The following SRPRB variants were observed in gnomAD, a reference collection of about 807,000 sequenced individuals.
SRPRB encodes SRP receptor subunit beta, also known as signal recognition particle receptor subunit beta.
Under a neutral mutation model 31.9 loss-of-function variants are expected in SRPRB, and 20 were observed. The observed-to-expected ratio is 0.63, with a 90% CI of 0.44 to 0.91. The LOEUF is 0.91. Ranked by LOEUF, SRPRB falls within the 40% of genes least tolerant of loss-of-function variation. The pLI, the probability that SRPRB is intolerant of heterozygous loss-of-function variation, is 0.00. For missense variants in SRPRB, 321 were observed against 324.9 expected (o/e 0.99, Z 0.09); for synonymous variants, 146 against 132.8 (o/e 1.10, Z -0.68).
downstream of SRPRB, chr3:133,827,870 C>T: frequency 1.5e-6 from 1 of 677,326 alleles, no homozygotes; most frequent in Non-Finnish European, 2.7e-6. Flanking sequence ...GTTTCTTAGA[C>T]TTGGCCCAGG....
intron 4 of SRPRB, 141 bp from the exon 5 acceptor site, chr3:133,815,449 T>C (rs1935349268): frequency 1.1e-6 from 1 of 905,744 alleles, no homozygotes; most frequent in Non-Finnish European, 1.7e-6. Context: ...TGTTATATGA[T>C]AACATATGCA....
At chr3:133,790,095 A>G (rs935558173) in intron 1 of SRPRB, 12 of 152,194 alleles carry the variant, frequency 7.9e-5, no homozygotes, top group African/African-American at 2.9e-4. Context: ...TAATCTAGAT[A>G]AACTGTTAAA....
At chr3:133,799,860 C>T in intron 1 of SRPRB, among the ~76,000 whole-genome samples, 1 of 152,206 alleles carries the variant, frequency 6.6e-6, no homozygotes, top group Non-Finnish European at 1.5e-5. Context: ...GAAGGATGAA[C>T]AGAAGTTGAA....
At chr3:133,828,087 G>C, downstream of SRPRB, 1 of 669,258 alleles carries the variant, frequency 1.5e-6, no homozygotes, top group East Asian at 2.7e-5. Context: ...CAGGGAAAGA[G>C]AAGGAGAGGT....
At chr3:133,810,475 G>C (rs1689764593) in intron 3 of SRPRB, 1 of 152,210 alleles carries the variant, frequency 6.6e-6, no homozygotes, top group Admixed American at 6.5e-5. Flanking sequence ...CTGGCATGGT[G>C]AATAGAACTT....
intron 1 of SRPRB, chr3:133,794,094 G>A (rs188256029): frequency 4.7e-4 from 72 of 152,290 alleles, no homozygotes; most frequent in African/African-American, 1.5e-3. Flanking sequence ...CTAATTTGGG[G>A]AAACAACTGG....
chr3:133,789,878 C>CA lies in SRPRB; in HGVS notation c.-174+5734_-174+5735insA, dbSNP rs1559884865. The CA allele has an allele frequency of 5.9e-4, 31 of 52,440 alleles. 2 individuals are homozygous for CA. The highest frequency in any genetic ancestry group is 5.4e-3 in the South Asian group (9 of 1,678). 3.2% of individuals were successfully genotyped at this position (52,440 alleles called of 1,614,324 possible). A position where few individuals can be genotyped will look rare whatever the true frequency, so the allele number is the denominator to read the frequency against. ...AGCCAAAACAAAACGATCTCGTTTG[C>CA]GTTTTTTTTTTTTTTTTTTTTTTTT... On this transcript the variant is annotated intron_variant, in intron 1 of 7. Coordinates refer to the SRPRB transcript ENST00000466490.
chr3:133,816,659 G>C (rs1481792323), intron 5 of SRPRB, among the ~76,000 whole-genome samples: 2 of 152,070 alleles, frequency 1.3e-5, no homozygotes, highest in African/African-American at 4.8e-5. Context: ...TCAGTTTTAG[G>C]GTCACCAGCA....
upstream of SRPRB, among the ~76,000 whole-genome samples, chr3:133,802,768 G>C (rs939036574): frequency 6.6e-6 from 1 of 151,950 alleles, no homozygotes; most frequent in Non-Finnish European, 1.5e-5. Flanking sequence ...GTATATACTT[G>C]TGGAACTTTA....
At chr3:133,828,349 A>T, downstream of SRPRB, 2 of 351,206 alleles carry the variant, frequency 5.7e-6, no homozygotes, top group Non-Finnish European at 1.0e-5. Context: ...GGCTGGGGAT[A>T]GGAGGAAGGC....
At chr3:133,800,333 G>A (rs1482022031) in intron 1 of SRPRB, among the ~76,000 whole-genome samples, 2 of 152,236 alleles carry the variant, frequency 1.3e-5, no homozygotes, top group East Asian at 1.9e-4. Context: ...ATTGTACAAT[G>A]TATGCTGTGG....
exon 1 of SRPRB, chr3:133,784,133 TG>T (rs1466367397): frequency 1.3e-5 from 2 of 152,182 alleles, no homozygotes; most frequent in East Asian, 1.9e-4. Context: ...AAGTCCTTAA[TG>T]GGCCCAGAAG....
At chr3:133,792,458 C>T (rs1934864787) in intron 1 of SRPRB, 2 of 152,218 alleles carry the variant, frequency 1.3e-5, no homozygotes, top group African/African-American at 4.8e-5. Flanking sequence ...GCCTGCTTTA[C>T]AGCTCGGTAA....
At chr3:133,818,989 TG>T (rs1935416274) in intron 6 of SRPRB, among the ~76,000 whole-genome samples, 1 of 152,096 alleles carries the variant, frequency 6.6e-6, no homozygotes, top group African/African-American at 2.4e-5. Flanking sequence ...GACAAATGAG[TG>T]TTGCTTATGC....
chr3:133,805,645 A>AAAT, upstream of SRPRB: 1 of 498,872 alleles, frequency 2.0e-6, no homozygotes. Context: ...GTCCCTCGAC[A>AAAT]AATAACCTGT....
intron 1 of SRPRB, chr3:133,788,695 C>T (rs893159830): frequency 1.3e-5 from 2 of 152,158 alleles, no homozygotes; most frequent in South Asian, 2.1e-4. Context: ...CGCCTAAACA[C>T]GGAGGCAACC....
At chr3:133,816,976 C>T (rs764395497) in intron 6 of SRPRB, 44 bp downstream of exon 6, 40 of 1,494,860 alleles carry the variant, frequency 2.7e-5, no homozygotes, top group Non-Finnish European at 3.7e-5. Flanking sequence ...TATCTTAACA[C>T]TTAGACTGTA....
At chr3:133,801,196 G>C (rs909867763), upstream of SRPRB, among the ~76,000 whole-genome samples, 5 of 152,180 alleles carry the variant, frequency 3.3e-5, no homozygotes, top group Admixed American at 6.5e-5. Context: ...TGGTGAATGG[G>C]ACATTTTAGT....
chr3:133,791,637 C>T (rs1390940469), intron 1 of SRPRB: 2 of 152,116 alleles, frequency 1.3e-5, no homozygotes, highest in African/African-American at 4.8e-5. Context: ...AAGAGGGGTA[C>T]CTTAGAATAA....
Sources: gnomAD v4.1 joint callset for allele counts (sites outside exome capture counted in the v4.1 genomes callset) on GRCh38, gnomAD v4.1.1 for gene constraint, MANE v1.5 for transcripts, NCBI Gene and HGNC (gene_info 2026-07-23, HGNC 2026-07-21) for gene names.